The following TAF7L variants were observed in gnomAD, a reference collection of about 807,000 sequenced individuals.
TAF7L encodes transcription initiation factor TFIID subunit 7-like.
In TAF7L, 6 loss-of-function variants were observed where a neutral mutation model predicts 30.2. The ratio of observed to expected loss-of-function variants is 0.20; its 90% CI spans 0.11 to 0.39. TAF7L has a LOEUF of 0.39. Among genes scored for constraint, TAF7L ranks in the 10% least tolerant of loss-of-function variants. TAF7L has a pLI of 1.00. For synonymous variants in TAF7L, 93 were observed against 94.5 expected, an observed-to-expected ratio of 0.98 and a Z score of 0.09; for missense variants, 284 against 277.1, an observed-to-expected ratio of 1.03 and a Z score of -0.18.
In TAF7L at chrX:101,268,791, T is replaced by C. The variant is rs1314395629; in HGVS notation, c.*402A>G. 1.6e-5 allele frequency: 2 copies of C among 122,795 alleles called. No homozygotes were observed. The highest frequency in any genetic ancestry group is 3.2e-5 in the African/African-American group (1 of 31,277). The allele number at this position is 122,795 out of a possible 1,213,427, so 10.1% of individuals were successfully genotyped here. On this transcript the variant is annotated 3_prime_UTR_variant, in exon 13 of 13. Coordinates refer to ENST00000356784, the MANE Select transcript of TAF7L (RefSeq NM_001168474.2). ...ATGGCTGAATAATCTGCTGGTACCATAGCACAGAAGCAATATAATCAATTC... is the reference window on the plus strand; with the variant it reads ...ATGGCTGAATAATCTGCTGGTACCACAGCACAGAAGCAATATAATCAATTC...
rs1178077844 is a variant in TAF7L at position 101,278,976 on chromosome X, A to G, written c.504+18T>C. ...ACACATTAAGGGTAAAAATGAAGTT[A>G]TATTATGATTGCTCTACCTCAGTAA... is the stretch of plus-strand genomic sequence containing the variant. On this transcript the variant is annotated intron_variant, in intron 7 of 12. Transcript: ENST00000356784. The G allele has an allele frequency of 7.6e-6, 9 of 1,189,361 alleles. No individual in the cohort carries two copies. The highest frequency in any genetic ancestry group is 4.4e-5 in the Admixed American group (2 of 45,113).
At chrX:101,291,396 C>T (rs1298803371), upstream of TAF7L, 1 of 475,328 alleles carries the variant, frequency 2.1e-6, no homozygotes, top group Non-Finnish European at 2.6e-6. Context: ...CGCCTCGCCA[C>T]GCCTCCGCGG....
chrX:101,286,426 C>T, intron 3 of TAF7L, 149 bp downstream of exon 3: 2 of 404,902 alleles, frequency 4.9e-6, no homozygotes, highest in South Asian at 4.9e-5. Flanking sequence ...AAGAAGAGGA[C>T]TTAAGCCTCT....
At chrX:101,281,010 G>A in intron 6 of TAF7L, among the ~76,000 whole-genome samples, 1 of 111,918 alleles carries the variant, frequency 8.9e-6, no homozygotes, top group Non-Finnish European at 1.9e-5. Context: ...AAAGCAAAAT[G>A]AGGGATCCTT....
intron 8 of TAF7L, 36 bp downstream of exon 8, chrX:101,278,013 A>G: frequency 8.6e-7 from 1 of 1,166,985 alleles, no homozygotes; most frequent in South Asian, 1.8e-5. Flanking sequence ...AATGGGGCAG[A>G]ACAGACTATG....
chrX:101,291,367 G>C, upstream of TAF7L: 9 of 655,938 alleles, frequency 1.4e-5, no homozygotes, highest in Non-Finnish European at 1.6e-5. Flanking sequence ...AGTAAAAGCG[G>C]CGCGCGCCGG....
At chrX:101,269,400 G>A (rs1165397646) in intron 12 of TAF7L, among the ~76,000 whole-genome samples, 163 bp from the exon 13 acceptor site, 1 of 112,635 alleles carries the variant, frequency 8.9e-6, no homozygotes, top group Non-Finnish European at 1.9e-5. Context: ...CCACAGTCAA[G>A]AATGCATGCA....
At chrX:101,288,592 G>A (rs1003546623) in intron 1 of TAF7L, among the ~76,000 whole-genome samples, 1 of 106,724 alleles carries the variant, frequency 9.4e-6, no homozygotes, top group African/African-American at 3.4e-5. Context: ...CATTCTGTAT[G>A]CCCAGTACTA....
chrX:101,280,514 C>A (rs189428881), intron 6 of TAF7L, among the ~76,000 whole-genome samples: 2 of 111,553 alleles, frequency 1.8e-5, no homozygotes, highest in Admixed American at 1.9e-4. Context: ...GAAACTGGAT[C>A]ATTCATACAT....
intron 1 of TAF7L, among the ~76,000 whole-genome samples, chrX:101,290,254 C>T (rs1924751371): frequency 9.0e-6 from 1 of 111,181 alleles, no homozygotes; most frequent in Non-Finnish European, 1.9e-5. Context: ...AGCAGACACC[C>T]AGGATGGGAG....
At chrX:101,279,300 A>C (rs1490650032) in intron 6 of TAF7L, among the ~76,000 whole-genome samples, 1 of 112,184 alleles carries the variant, frequency 8.9e-6, no homozygotes, top group Non-Finnish European at 1.9e-5. Context: ...AGCTATAGAC[A>C]AGCTTATTCT....
intron 7 of TAF7L, among the ~76,000 whole-genome samples, chrX:101,278,700 G>A (rs1924302687): frequency 8.9e-6 from 1 of 112,520 alleles, no homozygotes; most frequent in Admixed American, 9.4e-5. Context: ...TTAAAAGTGA[G>A]CTCTGGCTCC....
chrX:101,285,797 ATTGAG>A (rs1485787939), intron 3 of TAF7L, among the ~76,000 whole-genome samples: 1 of 111,040 alleles, frequency 9.0e-6, no homozygotes, highest in Non-Finnish European at 1.9e-5. Context: ...TTTTCTTGCT[ATTGAG>A]TTGTTTGAGT....
At chrX:101,290,169 C>A (rs12010583) in intron 1 of TAF7L, among the ~76,000 whole-genome samples, 2 of 109,949 alleles carry the variant, frequency 1.8e-5, no homozygotes, top group African/African-American at 3.3e-5. Flanking sequence ...TGCACTCCAG[C>A]TTGGGTGACA....
intron 3 of TAF7L, among the ~76,000 whole-genome samples, chrX:101,285,401 G>T (rs527497024): frequency 1.9e-5 from 2 of 106,702 alleles, no homozygotes; most frequent in South Asian, 8.6e-4. Context: ...GGAAGGCTGA[G>T]GCAGGAGAAT....
chrX:101,285,634 G>A (rs750747062), intron 3 of TAF7L, among the ~76,000 whole-genome samples: 5 of 105,057 alleles, frequency 4.8e-5, no homozygotes, highest in African/African-American at 7.0e-5. Context: ...ATTCTAACAG[G>A]TATGAGGTGA....
At chrX:101,284,710 A>T (rs1450260484) in intron 3 of TAF7L, among the ~76,000 whole-genome samples, 2 of 111,443 alleles carry the variant, frequency 1.8e-5, no homozygotes, top group Non-Finnish European at 3.8e-5. Context: ...TATCTTTTTT[A>T]AAAAATGTCA....
chrX:101,281,908 T>A (rs1924425024), intron 5 of TAF7L, 133 bp from the exon 6 acceptor site: 6 of 539,889 alleles, frequency 1.1e-5, no homozygotes. Context: ...TTTTTTGAGA[T>A]CGAGTCCCAC....
chrX:101,279,763 G>A (rs974385489), intron 6 of TAF7L, among the ~76,000 whole-genome samples: 2 of 111,768 alleles, frequency 1.8e-5, no homozygotes, highest in Non-Finnish European at 3.8e-5. Flanking sequence ...TTGGTGGAGG[G>A]ATTGACAGAT....
Sources: allele counts gnomAD v4.1 joint callset (sites outside exome capture counted in the v4.1 genomes callset), GRCh38; gene constraint gnomAD v4.1.1; transcripts MANE v1.5; gene names NCBI Gene and HGNC (gene_info 2026-07-23, HGNC 2026-07-21).